STAU1: variants seen among roughly 807,000 people sequenced by gnomAD.
STAU1 encodes the protein staufen double-stranded RNA binding protein 1.
Under a neutral mutation model 62.9 loss-of-function variants are expected in STAU1, and 13 were observed. The ratio of observed to expected loss-of-function variants is 0.21; its 90% CI spans 0.13 to 0.33. The LOEUF is 0.33. Ranked by LOEUF, STAU1 falls within the 10% of genes least tolerant of loss-of-function variation. STAU1 has a pLI of 1.00. For missense variants in STAU1, 571 were observed against 712.1 expected, an observed-to-expected ratio of 0.80 and a Z score of 2.25; for synonymous variants, 269 against 265.1, an observed-to-expected ratio of 1.01 and a Z score of -0.14.
chr20:49,125,521 C>A (rs1461902144), intron 6 of STAU1, among the ~76,000 whole-genome samples: 4 of 141,552 alleles, frequency 2.8e-5, no homozygotes, highest in African/African-American at 8.1e-5. Flanking sequence ...TAGAGTAAGA[C>A]CCTGTCTCAA....
rs1347501215 is a variant in STAU1, at chr20:49,114,516, C to T, written c.*362G>A. 1.6e-5 allele frequency: 4 copies of T among 243,452 alleles called. No individual in the cohort carries two copies. Among genetic ancestry groups the T allele is most frequent in the Non-Finnish European group, 2.4e-5 (3 of 124,802 alleles). 15.1% of individuals were successfully genotyped at this position (243,452 alleles called of 1,614,324 possible). A position where few individuals can be genotyped will look rare whatever the true frequency, so the allele number is the denominator to read the frequency against. ...TGAGTGAGCCAGCTTGAGAAGGGGT[C>T]GTGCCGTTTCTTCTTTCACACAGGG... On this transcript the variant is annotated 3_prime_UTR_variant, in exon 14 of 14. Transcript: ENST00000371856.
At chr20:49,213,404 A>AT in the STAU1 span, among the ~76,000 whole-genome samples, 3 of 151,888 alleles carry the variant, frequency 2.0e-5, no homozygotes, top group Admixed American at 6.6e-5. Context: ...TAATTTTTGT[A>AT]TTTTTATTAG....
chr20:49,143,366 C>T (rs750404274), intron 5 of STAU1, among the ~76,000 whole-genome samples: 17 of 152,150 alleles, frequency 1.1e-4, no homozygotes, highest in South Asian at 2.1e-4. Flanking sequence ...CCACGGTGGG[C>T]GGATCACTTG....
chr20:49,166,136 G>C lies in STAU1; in HGVS notation c.66C>G (p.Asn22Lys), dbSNP rs1265692363. The change falls in exon 3 of 14, where the codon AAC (asparagine) becomes AAG (lysine). Residue 22 changes from asparagine to lysine, a missense_variant. Asn to Lys is a moderately conservative substitution (Grantham distance 94). Around this residue, in one of 3 missense-constraint regions of STAU1, gnomAD observed 414 missense variants for 499.6 expected, o/e 0.83. Coordinates refer to ENST00000371856, the MANE Select transcript of STAU1 (RefSeq NM_017453.4). The stretch of plus-strand genomic sequence containing the variant: ...GCTGTGAGAGAAGAGACTGGTTCTT[G>C]TTCAGTATTTGGCTCCCTGAGAGAG... ...SAALSGSQIL[N>K]KNQSLLSQPL... 1 of 1,614,040 alleles carries C rather than the reference G, an allele frequency of 6.2e-7. No individual in the cohort carries two copies. Among genetic ancestry groups the C allele is most frequent in the East Asian group, 2.2e-5 (1 of 44,888 alleles).
chr20:49,148,781 C>A (rs554475830), intron 5 of STAU1, among the ~76,000 whole-genome samples: 1 of 152,340 alleles, frequency 6.6e-6, no homozygotes, highest in South Asian at 2.1e-4. Flanking sequence ...CAACGCTGCT[C>A]TAGTGAGTGA....
chr20:49,185,489 G>C (rs565910780), intron 1 of STAU1, among the ~76,000 whole-genome samples: 12 of 152,322 alleles, frequency 7.9e-5, no homozygotes, highest in African/African-American at 2.9e-4. Flanking sequence ...TATAAACAGA[G>C]AAGGGAAGCC....
intron 3 of STAU1, among the ~76,000 whole-genome samples, chr20:49,165,344 A>AT (rs1365193900): frequency 8.2e-6 from 1 of 121,318 alleles, no homozygotes; most frequent in Non-Finnish European, 1.7e-5. Context: ...CGCCCGGCCT[A>AT]TTTTTTCTTT....
At chr20:49,195,925 G>T in the STAU1 span, among the ~76,000 whole-genome samples, 1 of 93,752 alleles carries the variant, frequency 1.1e-5, no homozygotes, top group Non-Finnish European at 2.0e-5. Flanking sequence ...AAAGAAAAAA[G>T]AAAAAAAAAA....
chr20:49,195,535 C>CAAAAAAAAAAAAAAAAA, the STAU1 span, among the ~76,000 whole-genome samples: 24 of 38,146 alleles, frequency 6.3e-4, no homozygotes, highest in Admixed American at 3.7e-3. Flanking sequence ...GACTCCGTCT[C>CAAAAAAAAAAAAAAAAA]AAAAAAAAAA....
chr20:49,189,619 CAAAAAAAAAAAA>C (rs71186430), upstream of STAU1, among the ~76,000 whole-genome samples: 10 of 55,340 alleles, frequency 1.8e-4, no homozygotes, highest in African/African-American at 6.5e-4. Context: ...GACTCTGTCT[CAAAAAAAAAAAA>C]AAAAAAAAAA....
chr20:49,163,854 T>C (rs1010821907), intron 3 of STAU1, among the ~76,000 whole-genome samples: 1 of 152,100 alleles, frequency 6.6e-6, no homozygotes, highest in African/African-American at 2.4e-5. Context: ...AGCCTCAAAC[T>C]TCTGGGCTCA....
In STAU1 at chr20:49,153,981, A is replaced by G. The variant is rs146302958; in HGVS notation, c.296T>C (p.Met99Thr). ...MYKPVDPYSR[M>T]QSTYNYNMRG... is the part of the protein sequence containing the mutation. ...CATGTTGTAGTTATAGGTGGACTGC[A>G]TCCGAGAGTAAGGGTCAACAGGCTT... The change falls in exon 4 of 14, where the codon ATG becomes ACG. Residue 99 changes from methionine to threonine, a missense_variant. Coordinates refer to ENST00000371856, the MANE Select transcript of STAU1 (RefSeq NM_017453.4). The G allele has an allele frequency of 1.8e-5, 29 of 1,613,032 alleles. No homozygotes were observed. The highest frequency in any genetic ancestry group is 2.3e-5 in the Non-Finnish European group (27 of 1,179,890).
At chr20:49,125,607 G>A (rs575788769) in intron 6 of STAU1, among the ~76,000 whole-genome samples, 96 of 151,948 alleles carry the variant, frequency 6.3e-4, no homozygotes, top group African/African-American at 2.1e-3. Flanking sequence ...AGCACTTTGG[G>A]AGGCCGAGGC....
intron 1 of STAU1, among the ~76,000 whole-genome samples, chr20:49,178,890 G>A (rs1038727219): frequency 5.5e-5 from 8 of 145,480 alleles, no homozygotes; most frequent in Non-Finnish European, 9.0e-5. Flanking sequence ...TGGCTAACAC[G>A]GTGAAACACC....
intron 5 of STAU1, among the ~76,000 whole-genome samples, chr20:49,143,016 G>T (rs2093043677): frequency 6.6e-6 from 1 of 151,904 alleles, no homozygotes; most frequent in African/African-American, 2.4e-5. Flanking sequence ...GTCCAGGATG[G>T]TCTCAAACTC....
At chr20:49,199,716 G>A in the STAU1 span, among the ~76,000 whole-genome samples, 1 of 151,732 alleles carries the variant, frequency 6.6e-6, no homozygotes, top group South Asian at 2.1e-4. Flanking sequence ...GGGATTACAG[G>A]CGCCTGCCAC....
At chr20:49,149,292 C>CACACACA in intron 5 of STAU1, among the ~76,000 whole-genome samples, 1 of 72,630 alleles carries the variant, frequency 1.4e-5, no homozygotes, top group African/African-American at 5.0e-5. Context: ...ACACACACAC[C>CACACACA]AGCAAGAACA....
intron 1 of STAU1, among the ~76,000 whole-genome samples, chr20:49,183,389 C>T (rs1291936355): frequency 6.6e-6 from 1 of 152,128 alleles, no homozygotes; most frequent in African/African-American, 2.4e-5. Flanking sequence ...GAAAACAAGG[C>T]CTCTGCCTAT....
intron 4 of STAU1, among the ~76,000 whole-genome samples, chr20:49,153,251 G>GGAAAA (rs1379385445): frequency 4.0e-5 from 4 of 99,076 alleles, no homozygotes; most frequent in African/African-American, 1.6e-4. Flanking sequence ...CTCCGTCTCA[G>GGAAAA]AAAAAAAAAA....
Sources: allele counts gnomAD v4.1 joint callset (sites outside exome capture counted in the v4.1 genomes callset), GRCh38; gene constraint gnomAD v4.1.1; regional missense constraint gnomAD v4.1.1; transcripts MANE v1.5; gene names NCBI Gene and HGNC (gene_info 2026-07-23, HGNC 2026-07-21).